C1orf198: variants seen among roughly 807,000 people sequenced by gnomAD.
The protein encoded by C1orf198 is uncharacterized protein C1orf198.
C1orf198 carries 17 observed loss-of-function variants against 31.4 expected under a neutral mutation model. That is an observed-to-expected ratio of 0.54 (90% CI 0.37 to 0.81). C1orf198 has a LOEUF of 0.81. Ranked by LOEUF, C1orf198 falls within the 40% of genes least tolerant of loss-of-function variation. The pLI is 0.00. For synonymous variants in C1orf198, 175 were observed against 193.8 expected, an observed-to-expected ratio of 0.90 and a Z score of 0.81; for missense variants, 401 against 450.3, an observed-to-expected ratio of 0.89 and a Z score of 0.99.
chr1:230,838,570 G>A lies in C1orf198; in HGVS notation c.*1282C>T, dbSNP rs1669362426. On this transcript the variant is annotated 3_prime_UTR_variant, in exon 4 of 4. Transcript: ENST00000366663. This position sits in a 1 kb window ranked among gnomAD's most constrained non-coding sequence, Gnocchi z 4.2. The stretch of plus-strand genomic sequence containing the variant: ...TTGGTATTGAAACCGAGCGCTCACT[G>A]GCAGGTGTCGCAAAGATTAAGGCTT... 6.6e-6 allele frequency: 1 copy of A among 152,486 alleles called. No homozygotes were observed. Among genetic ancestry groups the A allele is most frequent in the East Asian group, 1.9e-4 (1 of 5,190 alleles). The allele number at this position is 152,486 out of a possible 1,614,324, so 9.4% of individuals were successfully genotyped here. A position where few individuals can be genotyped will look rare whatever the true frequency, so the allele number is the denominator to read the frequency against.
In C1orf198 at chr1:230,839,708, A is replaced by G. The variant is rs1202550; in HGVS notation, c.*144T>C. 0.73 allele frequency: 508,756 copies of G among 694,728 alleles called. 188,924 individuals carry two copies. The highest frequency in any genetic ancestry group is 0.92 in the East Asian group (30,162 of 32,654). The allele number at this position is 694,728 out of a possible 1,614,324, so 43.0% of individuals were successfully genotyped here. On this transcript the variant is annotated 3_prime_UTR_variant, in exon 4 of 4. Coordinates refer to ENST00000366663, the MANE Select transcript of C1orf198 (RefSeq NM_032800.3). ...TACCAAAAAAGAAAAAAATCTGGCA[A>G]TATTGACCAGTTTCCAAATGATTAA...
At chr1:230,848,969 G>A (rs546736576) in intron 2 of C1orf198, among the ~76,000 whole-genome samples, 44 of 152,302 alleles carry the variant, frequency 2.9e-4, no homozygotes, top group East Asian at 7.7e-4. Context: ...ACCCAGGGGG[G>A]ACCTGTACTG....
rs919798861 is a variant in C1orf198, at chr1:230,838,824, G to A, written c.*1028C>T. On this transcript the variant is annotated 3_prime_UTR_variant, in exon 4 of 4. Coordinates refer to ENST00000366663, the MANE Select transcript of C1orf198 (RefSeq NM_032800.3). The surrounding 1 kb of genome is among the most constrained non-coding windows in gnomAD (Gnocchi z 4.2). ...CTCTGACACCACGCAGGTCTCCATG[G>A]GCACTGCTGAGTTGACCGCAAACTC... 1 of 152,544 alleles carries A rather than the reference G, an allele frequency of 6.6e-6. No homozygotes were observed. The highest frequency in any genetic ancestry group is 1.5e-5 in the Non-Finnish European group (1 of 68,146). The allele number at this position is 152,544 out of a possible 1,614,324, so 9.4% of individuals were successfully genotyped here.
In C1orf198 at chr1:230,843,533, G is replaced by T. The variant is rs1483602507; in HGVS notation, c.748C>A (p.Gln250Lys). Reference protein sequence around the residue: ...AKVERPSTLRQEQRPLPNVST... With the variant: ...AKVERPSTLRKEQRPLPNVST... ...ACGTTGGGAAGAGGACGCTGCTCCT[G>T]ACGGAGGGTGCTGGGCCTTTCCACC... The change falls in exon 3 of 4, where the codon CAG (glutamine) becomes AAG (lysine). Residue 250 changes from glutamine (Q) to lysine (K), a missense_variant. Transcript: ENST00000366663. The surrounding 1 kb of genome is among the most constrained non-coding windows in gnomAD (Gnocchi z 4.9). 1.2e-6 allele frequency: 2 copies of T among 1,612,494 alleles called. No homozygotes were observed. The highest frequency in any genetic ancestry group is 1.7e-4 in the Middle Eastern group (1 of 6,050).
chr1:230,867,435 T>A (rs547318548), intron 1 of C1orf198, among the ~76,000 whole-genome samples: 1 of 152,286 alleles, frequency 6.6e-6, no homozygotes, highest in South Asian at 2.1e-4. Context: ...AGTGTCTAGA[T>A]CTGAGACCTA....
chr1:230,868,502 A>C lies in C1orf198; in HGVS notation c.11T>G (p.Met4Arg). The change falls in exon 1 of 4, where the codon ATG becomes AGG. Residue 4 changes from methionine (M) to arginine (R), a missense_variant. By Grantham distance (91) the Met-to-Arg change is moderately conservative (BLOSUM62 -1). Coordinates refer to ENST00000366663, the MANE Select transcript of C1orf198 (RefSeq NM_032800.3). ...GCGCGAAGCCGCGATCGCCGCCGCC[A>C]TGGACGCCATGCCCGGCCTGCCCGC... Reference protein sequence around the residue: MASMAAAIAASRSA... With the variant: MASRAAAIAASRSA... 6.9e-7 allele frequency: 1 copy of C among 1,446,318 alleles called. No homozygotes were observed. The highest frequency in any genetic ancestry group is 1.4e-5 in the South Asian group (1 of 72,346). 89.6% of individuals were successfully genotyped at this position (1,446,318 alleles called of 1,614,324 possible). A position where few individuals can be genotyped will look rare whatever the true frequency, so the allele number is the denominator to read the frequency against.
At chr1:230,864,623 T>C (rs554916883) in intron 1 of C1orf198, among the ~76,000 whole-genome samples, 16 of 152,262 alleles carry the variant, frequency 1.1e-4, no homozygotes, top group African/African-American at 3.4e-4. Context: ...ATTAGGGATA[T>C]TGAAACACCC....
rs1669493194 is a variant in C1orf198 at position 230,843,211 on chromosome 1, G to A, written c.927+143C>T. On this transcript the variant is annotated intron_variant, in intron 3 of 3. Transcript: ENST00000366663. This position sits in a 1 kb window ranked among gnomAD's most constrained non-coding sequence, Gnocchi z 4.9. ...TTGGTGGCTCAGCACCCTGAGCCTA[G>A]GCATCCTCTGAGGAAGAGGCAGGGG... The A allele has an allele frequency of 3.0e-6, 3 of 1,010,096 alleles. No individual in the cohort carries two copies. Among genetic ancestry groups the A allele is most frequent in the Non-Finnish European group, 4.3e-6 (3 of 697,510 alleles). The allele number at this position is 1,010,096 out of a possible 1,614,324, so 62.6% of individuals were successfully genotyped here. A position where few individuals can be genotyped will look rare whatever the true frequency, so the allele number is the denominator to read the frequency against.
chr1:230,844,056 G>A (rs1038046329), intron 2 of C1orf198, among the ~76,000 whole-genome samples, 160 bp from the exon 3 acceptor site: 2 of 152,144 alleles, frequency 1.3e-5, no homozygotes, highest in East Asian at 3.9e-4. Context: ...TGAGTGGTGG[G>A]TATGGTCAGG....
chr1:230,854,714 T>C (rs531897393), intron 2 of C1orf198, among the ~76,000 whole-genome samples: 17 of 152,266 alleles, frequency 1.1e-4, no homozygotes, highest in African/African-American at 4.1e-4. Flanking sequence ...ATCTGAACCC[T>C]TGGGCAATAT....
intron 2 of C1orf198, among the ~76,000 whole-genome samples, chr1:230,848,663 T>C (rs190078831): frequency 1.4e-3 from 206 of 152,330 alleles, no homozygotes; most frequent in African/African-American, 4.7e-3. Flanking sequence ...CTATCAATAT[T>C]TCAAAATATT....
At chr1:230,866,435 C>T (rs571133867) in intron 1 of C1orf198, among the ~76,000 whole-genome samples, 3 of 152,272 alleles carry the variant, frequency 2.0e-5, no homozygotes, top group African/African-American at 4.8e-5. Flanking sequence ...CACCACAGCA[C>T]GGCACAGTTC....
rs79595270 is a variant in C1orf198 at position 230,838,746 on chromosome 1, G to A, written c.*1106C>T. The stretch of plus-strand genomic sequence containing the variant: ...AGCTTCCCTAGGGGAGGTGGACCAC[G>A]TTGTACCACTGGGCAGCCTTGGTGT... On this transcript the variant is annotated 3_prime_UTR_variant, in exon 4 of 4. Transcript: ENST00000366663. The surrounding 1 kb of genome is among the most constrained non-coding windows in gnomAD (Gnocchi z 4.2). 8.6e-3 allele frequency: 1,311 copies of A among 152,936 alleles called. 12 individuals carry two copies. The highest frequency in any genetic ancestry group is 0.015 in the Non-Finnish European group (1,015 of 68,194). 9.5% of individuals were successfully genotyped at this position (152,936 alleles called of 1,614,324 possible).
rs1004791956 is a variant in C1orf198, at chr1:230,838,186, A to C, written c.*1666T>G. 2.0e-5 allele frequency: 3 copies of C among 152,254 alleles called. No homozygotes were observed. Among genetic ancestry groups the C allele is most frequent in the Non-Finnish European group, 4.4e-5 (3 of 68,054 alleles). 9.4% of individuals were successfully genotyped at this position (152,254 alleles called of 1,614,324 possible). ...CCAGGCTGTGCCAACTGGGATTTCTAAGCTCCTTTTTCCCTCACCACCATG... is the reference window on the plus strand; with the variant it reads ...CCAGGCTGTGCCAACTGGGATTTCTCAGCTCCTTTTTCCCTCACCACCATG... On this transcript the variant is annotated 3_prime_UTR_variant, in exon 4 of 4. Coordinates refer to ENST00000366663, the MANE Select transcript of C1orf198 (RefSeq NM_032800.3). The surrounding 1 kb of genome is among the most constrained non-coding windows in gnomAD (Gnocchi z 4.2).
At chr1:230,867,981 C>G (rs1034836618) in intron 1 of C1orf198, among the ~76,000 whole-genome samples, 199 bp downstream of exon 1, 11 of 152,220 alleles carry the variant, frequency 7.2e-5, no homozygotes, top group African/African-American at 2.7e-4. Flanking sequence ...TCTCGGCGAT[C>G]TCTTAACCAA....
rs755970873 is a variant in C1orf198 at position 230,868,192 on chromosome 1, G to C, written c.321C>G (p.Arg107=). 5 of 1,504,154 alleles carry C rather than the reference G, an allele frequency of 3.3e-6. No individual in the cohort carries two copies. Among genetic ancestry groups the C allele is most frequent in the African/African-American group, 1.5e-5 (1 of 68,560 alleles). The allele number at this position is 1,504,154 out of a possible 1,614,324, so 93.2% of individuals were successfully genotyped here. ...LRGPTGQKVV[R]FGDEDLTWQD... ...GGCCCGCACCTACCTCGTCCCCGAA[G>C]CGCACCACCTTCTGGCCCGTGGGCC... The change falls in exon 1 of 4, where the codon CGC becomes CGG. Residue 107 remains arginine (R), a synonymous_variant. Coordinates refer to ENST00000366663, the MANE Select transcript of C1orf198 (RefSeq NM_032800.3).
chr1:230,852,072 C>A (rs145514152), intron 2 of C1orf198, among the ~76,000 whole-genome samples: 1 of 152,166 alleles, frequency 6.6e-6, no homozygotes, highest in Non-Finnish European at 1.5e-5. Flanking sequence ...CTGCTGGCAT[C>A]CACTAAATGT....
intron 2 of C1orf198, among the ~76,000 whole-genome samples, chr1:230,844,372 C>T (rs142396265): frequency 3.7e-4 from 56 of 152,156 alleles, no homozygotes; most frequent in Admixed American, 5.9e-4. Flanking sequence ...TGCTCTCCTC[C>T]GCCTTCCACC....
At chr1:230,854,766 G>C (rs1023122301) in intron 2 of C1orf198, among the ~76,000 whole-genome samples, 1 of 152,116 alleles carries the variant, frequency 6.6e-6, no homozygotes, top group Non-Finnish European at 1.5e-5. Flanking sequence ...GCCTCTCAGG[G>C]TCCTTCATGA....
Sources: allele counts gnomAD v4.1 joint callset (sites outside exome capture counted in the v4.1 genomes callset), GRCh38; gene constraint gnomAD v4.1.1; non-coding constraint Gnocchi (gnomAD v3.1); transcripts MANE v1.5; gene names NCBI Gene and HGNC (gene_info 2026-07-23, HGNC 2026-07-21).